CACNA2D1: variants seen among roughly 807,000 people sequenced by gnomAD.
CACNA2D1 encodes the protein calcium voltage-gated channel auxiliary subunit alpha2delta 1.
In CACNA2D1, 53 loss-of-function variants were observed where a neutral mutation model predicts 171.5. The ratio of observed to expected loss-of-function variants is 0.31; its 90% CI spans 0.25 to 0.39. The LOEUF (loss-of-function observed/expected upper bound fraction) is 0.39, where lower values mean the gene tolerates loss of function less well. CACNA2D1 is among the 10% of genes least tolerant of loss of function. CACNA2D1 has a pLI of 1.00. For synonymous variants in CACNA2D1, 442 were observed against 443.1 expected (o/e 1.00, Z 0.03); for missense variants, 903 against 1,299.8 (o/e 0.69, Z 4.69).
At position 82,406,207 on chromosome 7, in the gene CACNA2D1, AAGT is replaced by A. The variant is rs754739952; in HGVS notation, c.95+37155_95+37157del. On this transcript the variant is annotated intron_variant, in intron 1 of 38. Coordinates refer to ENST00000356860, the MANE Select transcript of CACNA2D1 (RefSeq NM_000722.4). ...TTCCAGCTTCATCCATGTCCCTACA[AAGT>A]AGGACATGAACTCATCATTTTTTAT... Among the ~76,000 whole-genome samples the A allele has an allele frequency of 3.3e-3, 509 of 152,252 alleles. 2 individuals carry two copies. The highest frequency in any genetic ancestry group is 0.012 in the African/African-American group (488 of 41,540).
intron 1 of CACNA2D1, among the ~76,000 whole-genome samples, chr7:82,440,520 C>T (rs980213569): frequency 3.3e-5 from 5 of 151,854 alleles, no homozygotes; most frequent in Admixed American, 6.6e-5. Context: ...AACCAATACA[C>T]ATTATGTGGC....
chr7:82,005,507 A>AAAAG lies in CACNA2D1; in HGVS notation c.1516-11_1516-10insCTTT. ...ACCCATTGGGGCACAGCTGGAAAAGAAAAAAAAAAAAAAGCTTGGATATGC... is the reference window on the plus strand; with the variant it reads ...ACCCATTGGGGCACAGCTGGAAAAGAAAAGAAAAAAAAAAAAAGCTTGGATATGC... On this transcript the variant is annotated splice_polypyrimidine_tract_variant and intron_variant, in intron 17 of 38. Coordinates refer to ENST00000356860, the MANE Select transcript of CACNA2D1 (RefSeq NM_000722.4). 1 of 391,512 alleles carries AAAAG rather than the reference A, an allele frequency of 2.6e-6. No individual in the cohort carries two copies. The highest frequency in any genetic ancestry group is 3.8e-6 in the Non-Finnish European group (1 of 264,988). 24.3% of individuals were successfully genotyped at this position (391,512 alleles called of 1,614,324 possible).
chr7:82,011,904 GGA>G, intron 15 of CACNA2D1: 1 of 382,568 alleles, frequency 2.6e-6, no homozygotes, highest in Non-Finnish European at 4.7e-6. Context: ...ATTCCAGGTT[GGA>G]AATTCTACAT....
chr7:82,400,817 G>T (rs202175989), intron 1 of CACNA2D1, among the ~76,000 whole-genome samples: 26,278 of 150,088 alleles, frequency 0.18, 2,871 homozygotes, highest in East Asian at 0.46. Flanking sequence ...CTGACAAAGG[G>T]CTAATATCCA....
intron 3 of CACNA2D1, among the ~76,000 whole-genome samples, chr7:82,312,774 T>C (rs1814639729): frequency 6.6e-6 from 1 of 151,960 alleles, no homozygotes; most frequent in Non-Finnish European, 1.5e-5. Flanking sequence ...ACTCAAGTGA[T>C]CCACCAGCTT....
intron 7 of CACNA2D1, among the ~76,000 whole-genome samples, chr7:82,071,524 G>T (rs1808317314): frequency 6.6e-6 from 1 of 152,110 alleles, no homozygotes; most frequent in African/African-American, 2.4e-5. Flanking sequence ...GTCAAATGAG[G>T]AAACATCCTA....
intron 2 of CACNA2D1, among the ~76,000 whole-genome samples, chr7:82,339,034 T>A (rs1818314213): frequency 6.6e-6 from 1 of 152,046 alleles, no homozygotes; most frequent in Non-Finnish European, 1.5e-5. Flanking sequence ...ACTATCTATA[T>A]CAAGAGAACA....
chr7:82,121,479 T>C (rs1234314939), intron 5 of CACNA2D1, among the ~76,000 whole-genome samples: 1 of 152,190 alleles, frequency 6.6e-6, no homozygotes, highest in Non-Finnish European at 1.5e-5. Context: ...ATCCAGTCAG[T>C]TGTTCTAAGT....
chr7:82,268,477 G>A (rs1007557127), intron 3 of CACNA2D1, among the ~76,000 whole-genome samples: 1 of 152,102 alleles, frequency 6.6e-6, no homozygotes, highest in Non-Finnish European at 1.5e-5. Context: ...ATTTACTGGG[G>A]GCAACCAAGT....
chr7:82,422,749 C>A (rs1227876566), intron 1 of CACNA2D1, among the ~76,000 whole-genome samples: 2 of 151,956 alleles, frequency 1.3e-5, no homozygotes, highest in East Asian at 1.9e-4. Flanking sequence ...AATAGATAAC[C>A]TTGTACTAGT....
chr7:82,407,680 A>T (rs1827203226), intron 1 of CACNA2D1, among the ~76,000 whole-genome samples: 1 of 152,174 alleles, frequency 6.6e-6, no homozygotes, highest in African/African-American at 2.4e-5. Flanking sequence ...AAGACACAGC[A>T]TCTGCACTTT....
At chr7:82,385,490 T>G (rs1824233754) in intron 1 of CACNA2D1, among the ~76,000 whole-genome samples, 1 of 152,230 alleles carries the variant, frequency 6.6e-6, no homozygotes, top group Non-Finnish European at 1.5e-5. Flanking sequence ...CAATATGGGT[T>G]AAATTAGCTC....
intron 10 of CACNA2D1, among the ~76,000 whole-genome samples, chr7:82,049,490 G>C (rs1343999606): frequency 6.6e-6 from 1 of 152,076 alleles, no homozygotes; most frequent in Non-Finnish European, 1.5e-5. Context: ...TTTACAACAA[G>C]CCCCAGTTAA....
chr7:82,180,403 C>T (rs190915062), intron 3 of CACNA2D1, among the ~76,000 whole-genome samples: 1 of 152,098 alleles, frequency 6.6e-6, no homozygotes, highest in African/African-American at 2.4e-5. Context: ...ACAAAGCTCA[C>T]GCTACCTACT....
At chr7:82,190,372 C>T (rs1453271195) in intron 3 of CACNA2D1, among the ~76,000 whole-genome samples, 1 of 151,712 alleles carries the variant, frequency 6.6e-6, no homozygotes, top group South Asian at 2.1e-4. Context: ...AAAATCTGCT[C>T]CGTGGCACAA....
At chr7:82,000,993 C>T (rs1010079136) in intron 18 of CACNA2D1, among the ~76,000 whole-genome samples, 1 of 151,704 alleles carries the variant, frequency 6.6e-6, no homozygotes, top group Admixed American at 6.6e-5. Context: ...TAATGTTGAA[C>T]ATGCTTTGAA....
chr7:82,250,456 T>C (rs1449587702), intron 3 of CACNA2D1, among the ~76,000 whole-genome samples: 1 of 152,214 alleles, frequency 6.6e-6, no homozygotes, highest in East Asian at 1.9e-4. Flanking sequence ...CCTGTGGATA[T>C]ATCCTGAAAT....
At chr7:82,099,442 T>TTTTTTTTTTG (rs1812382355) in intron 6 of CACNA2D1, among the ~76,000 whole-genome samples, 1 of 21,782 alleles carries the variant, frequency 4.6e-5, no homozygotes, top group Non-Finnish European at 1.0e-4. Flanking sequence ...TTTTTTTTTT[T>TTTTTTTTTTG]TTTTTTTTTT....
intron 5 of CACNA2D1, among the ~76,000 whole-genome samples, chr7:82,133,827 C>G (rs1020657364): frequency 6.6e-6 from 1 of 152,138 alleles, no homozygotes; most frequent in Non-Finnish European, 1.5e-5. Context: ...AATCCCAGCA[C>G]TTTGGGAGGC....
Sources: allele counts gnomAD v4.1 joint callset (sites outside exome capture counted in the v4.1 genomes callset), GRCh38; gene constraint gnomAD v4.1.1; transcripts MANE v1.5; gene names NCBI Gene and HGNC (gene_info 2026-07-23, HGNC 2026-07-21).